CYB561: variants seen among roughly 807,000 people sequenced by gnomAD.
CYB561 encodes transmembrane ascorbate-dependent reductase CYB561.
Under a neutral mutation model 25.3 loss-of-function variants are expected in CYB561, and 11 were observed. The ratio of observed to expected loss-of-function variants is 0.44; its 90% CI spans 0.27 to 0.72. The LOEUF is 0.72. Among genes scored for constraint, CYB561 ranks in the 30% least tolerant of loss-of-function variants. CYB561 has a pLI of 0.18. For synonymous variants in CYB561, 165 were observed against 158.8 expected, an observed-to-expected ratio of 1.04 and a Z score of -0.29; for missense variants, 295 against 334.9, an observed-to-expected ratio of 0.88 and a Z score of 0.93.
chr17:63,438,845 G>A (rs572646201), intron 1 of CYB561, among the ~76,000 whole-genome samples: 5 of 152,342 alleles, frequency 3.3e-5, no homozygotes, highest in African/African-American at 1.2e-4. Flanking sequence ...GGGATGGGAG[G>A]AGAGGCGGCA....
chr17:63,435,987 G>C, intron 3 of CYB561, 67 bp downstream of exon 3: 1 of 1,611,856 alleles, frequency 6.2e-7, no homozygotes, highest in South Asian at 1.1e-5. Context: ...CAGAGCAGGT[G>C]AAGCGGCTGT....
rs2049314523 is a variant in CYB561, at chr17:63,437,379, T to C, written c.169A>G (p.Met57Val). ...TGCAGGAAGATCAGGCCTATGACCA[T>C]GCAGAGGGGGTGCGCGTTGAACTGC... ...DLQFNAHPLCMVIGLIFLQGN... is the reference protein window; with the variant it reads ...DLQFNAHPLCVVIGLIFLQGN... The change falls in exon 2 of 6, where the codon ATG becomes GTG. Residue 57 changes from methionine (M) to valine (V), a missense_variant. Transcript: ENST00000360793. 1 of 1,613,978 alleles carries C rather than the reference T, an allele frequency of 6.2e-7. No homozygotes were observed.
At chr17:63,445,688 G>A (rs1184128202) in intron 1 of CYB561, among the ~76,000 whole-genome samples, 19 of 152,162 alleles carry the variant, frequency 1.2e-4, no homozygotes, top group Non-Finnish European at 5.9e-5. Flanking sequence ...CCCACCACAG[G>A]GCCACCGAGG....
At chr17:63,445,902 C>G (rs2049418855) in intron 1 of CYB561, 1 of 152,334 alleles carries the variant, frequency 6.6e-6, no homozygotes, top group South Asian at 2.1e-4. Context: ...CCCTACCTTG[C>G]TCTAGAACGC....
intron 1 of CYB561, chr17:63,438,113 A>G (rs1568024220): frequency 6.5e-7 from 1 of 1,534,290 alleles, no homozygotes; most frequent in African/African-American, 1.4e-5. Flanking sequence ...CCACGGGGAC[A>G]GGCGTGACCT....
chr17:63,438,345 C>G (rs906514078), intron 1 of CYB561: 31 of 761,064 alleles, frequency 4.1e-5, no homozygotes, highest in Non-Finnish European at 6.3e-5. Context: ...TGAAGTACAT[C>G]TCGGGAGAAA....
intron 1 of CYB561, among the ~76,000 whole-genome samples, chr17:63,439,747 G>A (rs1464944931): frequency 6.6e-6 from 1 of 152,060 alleles, no homozygotes; most frequent in Non-Finnish European, 1.5e-5. Flanking sequence ...TTTAACTGAG[G>A]GCGTAGCACA....
intron 1 of CYB561, among the ~76,000 whole-genome samples, chr17:63,441,036 G>A (rs987417300): frequency 3.9e-5 from 6 of 152,192 alleles, no homozygotes; most frequent in Non-Finnish European, 8.8e-5. Context: ...GGCAGGAGAG[G>A]CCCGCAGAGC....
At position 63,434,216 on chromosome 17, in the gene CYB561, C is replaced by T. The variant is rs571840065; in HGVS notation, c.*186G>A. On this transcript the variant is annotated 3_prime_UTR_variant, in exon 6 of 6. Coordinates refer to ENST00000360793, the MANE Select transcript of CYB561 (RefSeq NM_001915.4). ...CCACACACAATGAACTGGTCTATAG[C>T]AGCGGAGAAAGGAGAAGCAGAGGAG... The T allele has an allele frequency of 2.0e-4, 120 of 598,854 alleles. 1 individual carries two copies. In the African/African-American group the frequency reaches 2.1e-3, roughly 11 times the overall value. 37.1% of individuals were successfully genotyped at this position (598,854 alleles called of 1,614,324 possible).
chr17:63,434,546 C>G lies in CYB561; in HGVS notation c.612G>C (p.Leu204=). The change falls in exon 6 of 6, where the codon CTG becomes CTC. Residue 204 remains leucine (L), a synonymous_variant. Coordinates refer to ENST00000360793, the MANE Select transcript of CYB561 (RefSeq NM_001915.4). ...CACCGAAGCAGGCCAGCAGCAGGCCCAGCACGTTGGCCAGGACACCCTCGG... is the reference window on the plus strand; with the variant it reads ...CACCGAAGCAGGCCAGCAGCAGGCCGAGCACGTTGGCCAGGACACCCTCGG... ...FEPEGVLANV[L]GLLLACFGGA... 6.2e-7 allele frequency: 1 copy of G among 1,613,216 alleles called. No homozygotes were observed. The highest frequency in any genetic ancestry group is 2.2e-5 in the East Asian group (1 of 44,882).
At chr17:63,435,883 G>A in intron 3 of CYB561, 92 bp from the exon 4 acceptor site, 16 of 1,579,724 alleles carry the variant, frequency 1.0e-5, no homozygotes, top group Non-Finnish European at 1.4e-5. Flanking sequence ...GGGACTTCTG[G>A]GCTTTAGTCC....
Position 63,442,214 on chromosome 17 carries a change from G to A in CYB561, c.-14+4031C>T, listed in dbSNP as rs180723070. 1.6e-3 allele frequency among the ~76,000 whole-genome samples: 245 copies of A among 152,294 alleles called. 2 individuals carry two copies. The highest frequency in any genetic ancestry group is 1.4e-3 in the Non-Finnish European group (95 of 68,022). ...GCTCTGTGCTTTACAGGAGATAAGC[G>A]GAAGATCCCTTCCGCAACAGGACTC... On this transcript the variant is annotated intron_variant, in intron 1 of 5. Coordinates refer to ENST00000360793, the MANE Select transcript of CYB561 (RefSeq NM_001915.4).
rs760568456 is a variant in CYB561, at chr17:63,433,098, T to G, written c.*1304A>C. ...GCCTGTCGCCCAGGCTGGAGTGCAA[T>G]CTCAGCTCACTGCAAGCGCCATCTC... is the stretch of plus-strand genomic sequence containing the variant. On this transcript the variant is annotated 3_prime_UTR_variant, in exon 6 of 6. Coordinates refer to ENST00000360793, the MANE Select transcript of CYB561 (RefSeq NM_001915.4). The G allele has an allele frequency of 9.7e-6, 3 of 309,038 alleles. No individual in the cohort carries two copies. Among genetic ancestry groups the G allele is most frequent in the African/African-American group, 2.2e-5 (1 of 46,230 alleles). The allele number at this position is 309,038 out of a possible 1,614,324, so 19.1% of individuals were successfully genotyped here. A position where few individuals can be genotyped will look rare whatever the true frequency, so the allele number is the denominator to read the frequency against.
At chr17:63,435,516 C>A in intron 4 of CYB561, 172 bp downstream of exon 4, 1 of 711,616 alleles carries the variant, frequency 1.4e-6, no homozygotes, top group South Asian at 1.8e-5. Flanking sequence ...AGCTGGGCAC[C>A]CTTGGCCGCC....
At chr17:63,438,093 C>A (rs747663792) in intron 1 of CYB561, 1 of 1,517,276 alleles carries the variant, frequency 6.6e-7, no homozygotes, top group Admixed American at 2.0e-5. Flanking sequence ...GGGGGAGGGG[C>A]CCAGCCTCCC....
intron 1 of CYB561, among the ~76,000 whole-genome samples, chr17:63,438,592 C>T (rs1333046877): frequency 6.6e-6 from 1 of 152,158 alleles, no homozygotes; most frequent in Non-Finnish European, 1.5e-5. Flanking sequence ...GGGGCGGACC[C>T]GCACTCTAGA....
chr17:63,438,664 G>A (rs1284512995), intron 1 of CYB561, among the ~76,000 whole-genome samples: 1 of 152,206 alleles, frequency 6.6e-6, no homozygotes, highest in African/African-American at 2.4e-5. Flanking sequence ...CGAAGGGGCC[G>A]GGTAGAGCTC....
At chr17:63,446,625 C>T (rs1027524473), upstream of CYB561, among the ~76,000 whole-genome samples, 10 of 152,164 alleles carry the variant, frequency 6.6e-5, no homozygotes, top group Non-Finnish European at 1.2e-4. Context: ...TCCTTGCGAG[C>T]CCCGACTGCG....
chr17:63,439,879 G>A (rs1378542550), intron 1 of CYB561, among the ~76,000 whole-genome samples: 7 of 152,070 alleles, frequency 4.6e-5, no homozygotes, highest in Non-Finnish European at 7.4e-5. Context: ...GCTAGCTTTC[G>A]ATTTCAGTTT....
Sources: allele counts gnomAD v4.1 joint callset (sites outside exome capture counted in the v4.1 genomes callset), GRCh38; gene constraint gnomAD v4.1.1; transcripts MANE v1.5; gene names NCBI Gene and HGNC (gene_info 2026-07-23, HGNC 2026-07-21).